Variants in GPATCH2L observed in about 807,000 individuals in gnomAD.
GPATCH2L encodes the protein G-patch domain containing 2 like.
GPATCH2L carries 31 observed loss-of-function variants against 57.4 expected under a neutral mutation model. That is an observed-to-expected ratio of 0.54 (90% CI 0.41 to 0.73). The LOEUF is 0.73. GPATCH2L is among the 30% of genes least tolerant of loss of function. The probability of loss-of-function intolerance (pLI) is 0.00; values close to 1 mark genes in which losing one functional copy is unlikely to be tolerated. For missense variants in GPATCH2L, 481 were observed against 599.9 expected, an observed-to-expected ratio of 0.80 and a Z score of 2.07; for synonymous variants, 199 against 210.7, an observed-to-expected ratio of 0.94 and a Z score of 0.48.
chr14:76,216,961 C>G (rs2040492615), downstream of GPATCH2L, among the ~76,000 whole-genome samples: 2 of 152,022 alleles, frequency 1.3e-5, no homozygotes, highest in African/African-American at 4.8e-5. Flanking sequence ...GTTGAGATAA[C>G]TGGATATAGT....
chr14:76,152,702 A>G (rs559700770), intron 1 of GPATCH2L: 2 of 456,128 alleles, frequency 4.4e-6, no homozygotes, highest in South Asian at 3.1e-5. Flanking sequence ...AGGATTCTGC[A>G]CAGGCATTCG....
chr14:76,201,709 A>G lies in GPATCH2L; in HGVS notation c.1307A>G (p.Glu436Gly). 2 of 1,612,732 alleles carry G rather than the reference A, an allele frequency of 1.2e-6. No individual in the cohort carries two copies. The highest frequency in any genetic ancestry group is 2.7e-5 in the African/African-American group (2 of 74,914). The change falls in exon 10 of 10, where the codon GAG (glutamate) becomes GGG (glycine). Residue 436 changes from glutamate (E) to glycine (G), a missense_variant. Glu to Gly is a moderately conservative substitution (Grantham distance 98). This residue lies in a region of GPATCH2L where 248 missense variants were observed against 270.5 expected (regional missense o/e 0.92). Transcript: ENST00000261530. Reference sequence around the variant, plus strand: ...TTACTAGTTCACATGGATGCAGTGGAGCCAACCACACCAGCATCACAAGCC... The same window carrying G: ...TTACTAGTTCACATGGATGCAGTGGGGCCAACCACACCAGCATCACAAGCC... ...SPSAVHMDAV[E>G]PTTPASQAPK...
chr14:76,184,422 A>G (rs1462708575), intron 8 of GPATCH2L, among the ~76,000 whole-genome samples: 2 of 151,720 alleles, frequency 1.3e-5, no homozygotes, highest in Non-Finnish European at 2.9e-5. Flanking sequence ...CCATTCTCCT[A>G]AGCAAGAGCA....
intron 8 of GPATCH2L, among the ~76,000 whole-genome samples, chr14:76,181,187 A>G (rs963660553): frequency 3.3e-5 from 5 of 152,186 alleles, no homozygotes; most frequent in African/African-American, 4.8e-5. Context: ...ACTTCTCCCT[A>G]CATGTACAGC....
downstream of GPATCH2L, among the ~76,000 whole-genome samples, chr14:76,215,849 T>C (rs1178851877): frequency 6.6e-6 from 1 of 151,190 alleles, no homozygotes; most frequent in Non-Finnish European, 1.5e-5. Context: ...CGCACCAGCA[T>C]GGCACATGTA....
At chr14:76,221,053 A>G (rs1044560974) in intron 1 of GPATCH2L, among the ~76,000 whole-genome samples, 1 of 152,028 alleles carries the variant, frequency 6.6e-6, no homozygotes, top group Non-Finnish European at 1.5e-5. Flanking sequence ...TAAAAAAAAA[A>G]AAGTCAAAAA....
In GPATCH2L at chr14:76,202,448, A is replaced by G. The variant is rs957135169; in HGVS notation, c.*597A>G. ...CCATTTTTTTGCAGATTGTCTGCAG[A>G]AACTCAGACAGCTCATCAGCAGCAG... is the stretch of plus-strand genomic sequence containing the variant. On this transcript the variant is annotated 3_prime_UTR_variant, in exon 10 of 10. Transcript: ENST00000261530. 6.5e-6 allele frequency: 1 copy of G among 152,700 alleles called. No homozygotes were observed. Among genetic ancestry groups the G allele is most frequent in the African/African-American group, 2.4e-5 (1 of 41,448 alleles). The allele number at this position is 152,700 out of a possible 1,614,324, so 9.5% of individuals were successfully genotyped here.
At chr14:76,168,999 C>A (rs2038968490) in intron 3 of GPATCH2L, among the ~76,000 whole-genome samples, 1 of 152,202 alleles carries the variant, frequency 6.6e-6, no homozygotes, top group South Asian at 2.1e-4. Flanking sequence ...CTTTCCCTTG[C>A]CACTCCAAGT....
intron 1 of GPATCH2L, chr14:76,152,445 A>G (rs2139516104): frequency 9.7e-6 from 3 of 308,054 alleles, no homozygotes; most frequent in South Asian, 5.3e-5. Flanking sequence ...CGTGAGCCCA[A>G]ATGAGCAGTT....
rs762970587 is a variant in GPATCH2L, at chr14:76,180,819, G to A, written c.1163G>A (p.Arg388Gln). The A allele has an allele frequency of 1.3e-4, 202 of 1,612,724 alleles. No individual in the cohort carries two copies. Among genetic ancestry groups the A allele is most frequent in the Non-Finnish European group, 1.7e-4 (196 of 1,178,854 alleles). ...GATGTTCTTGCCGATGCTTCTCACCGAAGGTGTTCACCAGCACACTGCTCT... is the reference window on the plus strand; with the variant it reads ...GATGTTCTTGCCGATGCTTCTCACCAAAGGTGTTCACCAGCACACTGCTCT... Reference protein sequence around the residue: ...SLDVLADASHRRCSPAHCSAR... With the variant: ...SLDVLADASHQRCSPAHCSAR... Residue 388 changes from arginine to glutamine, a missense_variant, in exon 8 of 10, where the codon CGA becomes CAA. By Grantham distance (43) the Arg-to-Gln change is conservative. Around this residue, in one of 3 missense-constraint regions of GPATCH2L, gnomAD observed 248 missense variants for 270.5 expected, o/e 0.92. Transcript: ENST00000261530.
intron 8 of GPATCH2L, among the ~76,000 whole-genome samples, chr14:76,182,996 G>C (rs1419922416): frequency 6.6e-6 from 1 of 152,188 alleles, no homozygotes; most frequent in Non-Finnish European, 1.5e-5. Flanking sequence ...AATGATTTGA[G>C]TAGCATGATA....
At chr14:76,188,668 T>C (rs1166730393) in intron 8 of GPATCH2L, among the ~76,000 whole-genome samples, 3 of 152,140 alleles carry the variant, frequency 2.0e-5, no homozygotes, top group African/African-American at 4.8e-5. Flanking sequence ...TTATTCACTT[T>C]GTTGATTGTT....
rs1182161881 is a variant in GPATCH2L at position 76,180,761 on chromosome 14, C to T, written c.1108-3C>T. ...ACTAAAATAGTCTTATTCATTCCTG[C>T]AGTTCAATCCCCTGTCTCCCCTTTA... On this transcript the variant is annotated splice_region_variant and splice_polypyrimidine_tract_variant and intron_variant, in intron 7 of 9. Coordinates refer to ENST00000261530, the MANE Select transcript of GPATCH2L (RefSeq NM_017926.4). The T allele has an allele frequency of 6.3e-7, 1 of 1,598,080 alleles. No homozygotes were observed. The highest frequency in any genetic ancestry group is 8.6e-7 in the Non-Finnish European group (1 of 1,165,382).
At chr14:76,232,492 C>A (rs984787998) in intron 2 of GPATCH2L, among the ~76,000 whole-genome samples, 6 of 152,096 alleles carry the variant, frequency 3.9e-5, no homozygotes, top group Admixed American at 6.5e-5. Flanking sequence ...TAACTCTGTT[C>A]GAGGTTAGCG....
At chr14:76,180,181 G>A (rs2039506970) in intron 7 of GPATCH2L, among the ~76,000 whole-genome samples, 1 of 152,158 alleles carries the variant, frequency 6.6e-6, no homozygotes, top group African/African-American at 2.4e-5. Flanking sequence ...AGGTGATGGA[G>A]TGATTAGGTA....
intron 2 of GPATCH2L, among the ~76,000 whole-genome samples, chr14:76,231,906 A>AT (rs2040563986): frequency 1.4e-5 from 1 of 71,578 alleles, no homozygotes; most frequent in African/African-American, 4.2e-5. Context: ...ATAAATATAT[A>AT]TATATAAAAC....
In GPATCH2L at chr14:76,154,188, C is replaced by T; in HGVS notation, c.-10-166C>T. On this transcript the variant is annotated intron_variant, in intron 1 of 9. Transcript: ENST00000261530. This position sits in a 1 kb window ranked among gnomAD's most constrained non-coding sequence, Gnocchi z 4.4. ...CTTAAGGAAGTGGTAGGAACAGAAT[C>T]TAAGTGTAGCCAGATGAAAGGTGAC... 1 of 579,820 alleles carries T rather than the reference C, an allele frequency of 1.7e-6. No individual in the cohort carries two copies. The highest frequency in any genetic ancestry group is 2.4e-5 in the South Asian group (1 of 42,310). 35.9% of individuals were successfully genotyped at this position (579,820 alleles called of 1,614,324 possible).
At chr14:76,161,425 A>G (rs2038577488) in intron 2 of GPATCH2L, among the ~76,000 whole-genome samples, 1 of 152,230 alleles carries the variant, frequency 6.6e-6, no homozygotes. Flanking sequence ...TAATTTATTA[A>G]TACCAACTTT....
At chr14:76,174,047 A>AAT (rs1397172354) in intron 5 of GPATCH2L, 3 of 184,650 alleles carry the variant, frequency 1.6e-5, no homozygotes, top group Non-Finnish European at 3.3e-5. Context: ...AAAAAAAAAA[A>AAT]CAAAACTGTT....
Sources: allele counts gnomAD v4.1 joint callset (sites outside exome capture counted in the v4.1 genomes callset), GRCh38; gene constraint gnomAD v4.1.1; regional missense constraint gnomAD v4.1.1; non-coding constraint Gnocchi (gnomAD v3.1); transcripts MANE v1.5; gene names NCBI Gene and HGNC (gene_info 2026-07-23, HGNC 2026-07-21).